The following UTP18 variants were observed in gnomAD, a reference collection of about 807,000 sequenced individuals.
The protein encoded by UTP18 is U3 small nucleolar RNA-associated protein 18 homolog.
A neutral mutation model predicts 61.1 loss-of-function variants in UTP18; 36 were observed. The observed-to-expected ratio is 0.59, with a 90% CI of 0.45 to 0.78. UTP18 has a LOEUF of 0.78. Ranked by LOEUF, UTP18 falls within the 30% of genes least tolerant of loss-of-function variation. The probability of loss-of-function intolerance (pLI) is 0.00; values close to 1 mark genes in which losing one functional copy is unlikely to be tolerated. For synonymous variants in UTP18, 282 were observed against 251.1 expected (o/e 1.12, Z -1.16); for missense variants, 753 against 693.9 (o/e 1.09, Z -0.96).
chr17:51,293,991 C>G lies in UTP18; in HGVS notation c.1592C>G (p.Pro531Arg). The change falls in exon 12 of 14, where the codon CCG becomes CGG. Residue 531 changes from proline to arginine, a missense_variant. Physicochemically the swap from Pro to Arg is moderately radical, Grantham distance 103 (BLOSUM62 -2). Coordinates refer to ENST00000225298, the MANE Select transcript of UTP18 (RefSeq NM_016001.3). ...ISHVHTMDFS[P>R]RSGYFALGNE... ...CATGTTCATACCATGGATTTTTCTC[C>G]GAGAAGTGGATACTTTGCCTTGGGG... The G allele has an allele frequency of 6.2e-7, 1 of 1,610,024 alleles. No homozygotes were observed. Among genetic ancestry groups the G allele is most frequent in the Non-Finnish European group, 8.5e-7 (1 of 1,178,128 alleles).
chr17:51,261,215 C>T (rs1003214495), intron 1 of UTP18, among the ~76,000 whole-genome samples: 1 of 152,228 alleles, frequency 6.6e-6, no homozygotes, highest in East Asian at 1.9e-4. Context: ...CGCTGCTGCT[C>T]GACTCCGCTA....
chr17:51,269,690 G>T (rs1904447587), intron 4 of UTP18, among the ~76,000 whole-genome samples: 1 of 152,152 alleles, frequency 6.6e-6, no homozygotes, highest in Non-Finnish European at 1.5e-5. Context: ...TATTAGAAAA[G>T]ACAATCTGTT....
At chr17:51,280,165 T>C in intron 8 of UTP18, 60 bp downstream of exon 8, 1 of 1,521,848 alleles carries the variant, frequency 6.6e-7, no homozygotes, top group Non-Finnish European at 9.0e-7. Flanking sequence ...AGGGATAGTC[T>C]TGCACCTTAA....
chr17:51,270,030 A>T (rs1480733609), intron 4 of UTP18, among the ~76,000 whole-genome samples: 1 of 151,932 alleles, frequency 6.6e-6, no homozygotes, highest in Non-Finnish European at 1.5e-5. Flanking sequence ...TAATTTTTGT[A>T]TTTTTAGTAG....
intron 7 of UTP18, among the ~76,000 whole-genome samples, 194 bp downstream of exon 7, chr17:51,277,498 C>T (rs979268320): frequency 6.6e-6 from 1 of 152,174 alleles, no homozygotes; most frequent in Non-Finnish European, 1.5e-5. Context: ...TTACTGAACA[C>T]TTACGGAATG....
At chr17:51,278,961 A>G (rs1023542285) in intron 7 of UTP18, among the ~76,000 whole-genome samples, 1 of 152,198 alleles carries the variant, frequency 6.6e-6, no homozygotes, top group Non-Finnish European at 1.5e-5. Context: ...AGACAGGACT[A>G]GAGTGGGATG....
intron 2 of UTP18, among the ~76,000 whole-genome samples, chr17:51,263,795 T>A (rs2055532266): frequency 1.3e-5 from 2 of 152,214 alleles, no homozygotes; most frequent in Non-Finnish European, 1.5e-5. Flanking sequence ...TTTAGCACAG[T>A]GCCTGAAACT....
At chr17:51,282,509 GAA>G (rs1258605801) in intron 9 of UTP18, among the ~76,000 whole-genome samples, 2 of 21,314 alleles carry the variant, frequency 9.4e-5, no homozygotes, top group Non-Finnish European at 1.5e-4. Context: ...AGGAAAGATG[GAA>G]GGAAGGAAGG....
At chr17:51,288,282 A>G in intron 11 of UTP18, 79 bp downstream of exon 11, 1 of 1,338,124 alleles carries the variant, frequency 7.5e-7, no homozygotes, top group Non-Finnish European at 1.0e-6. Context: ...AGGAAAGGAG[A>G]GCGTTGAATT....
Position 51,288,113 on chromosome 17 carries a change from C to T in UTP18, c.1413C>T (p.Asn471=). Residue 471 remains asparagine (N), a synonymous_variant, in exon 11 of 14, where the codon AAC becomes AAT. Coordinates refer to ENST00000225298, the MANE Select transcript of UTP18 (RefSeq NM_016001.3). ...CAAAGCCAATAAAAGCTATAATGAA[C>T]TTGGTTACAGGTGTTACTTCTCTGA... The part of the protein sequence containing the change: ...TNPKPIKAIM[N]LVTGVTSLTF... The T allele has an allele frequency of 6.2e-7, 1 of 1,610,498 alleles. No homozygotes were observed. The highest frequency in any genetic ancestry group is 8.5e-7 in the Non-Finnish European group (1 of 1,179,022).
At chr17:51,297,475 C>A (rs1328674995) in intron 13 of UTP18, among the ~76,000 whole-genome samples, 2 of 152,200 alleles carry the variant, frequency 1.3e-5, no homozygotes, top group Non-Finnish European at 2.9e-5. Context: ...ACATCCTTCC[C>A]TTCTCATGGT....
At chr17:51,274,474 C>T (rs547308017) in intron 5 of UTP18, among the ~76,000 whole-genome samples, 5 of 152,202 alleles carry the variant, frequency 3.3e-5, no homozygotes, top group Admixed American at 3.3e-4. Flanking sequence ...CAGAGTTTTG[C>T]TCTTTTGCTC....
At chr17:51,297,724 T>G in intron 13 of UTP18, 58 bp from the exon 14 acceptor site, 1 of 436,740 alleles carries the variant, frequency 2.3e-6, no homozygotes, top group South Asian at 1.7e-5. Flanking sequence ...CCAGTACGTG[T>G]CTGTTGATGA....
intron 6 of UTP18, among the ~76,000 whole-genome samples, chr17:51,276,776 G>A (rs1904735030): frequency 6.6e-6 from 1 of 152,168 alleles, no homozygotes; most frequent in Non-Finnish European, 1.5e-5. Context: ...CATGTAGTTT[G>A]GATGGGACTG....
At position 51,296,894 on chromosome 17, in the gene UTP18, T is replaced by G. The variant is rs558155544; in HGVS notation, c.1647-71T>G. ...CCACTAAAATCTTCCTAAGTGCCCT[T>G]CTGTGATCTAATTGAAAACACTGTG... On this transcript the variant is annotated intron_variant, in intron 12 of 13. Coordinates refer to ENST00000225298, the MANE Select transcript of UTP18 (RefSeq NM_016001.3). 1.0e-4 allele frequency: 153 copies of G among 1,458,580 alleles called. 1 individual carries two copies. The highest frequency in any genetic ancestry group is 3.6e-4 in the Admixed American group (18 of 49,540). The allele number at this position is 1,458,580 out of a possible 1,614,324, so 90.4% of individuals were successfully genotyped here.
At chr17:51,284,009 T>C (rs1330721482) in intron 9 of UTP18, among the ~76,000 whole-genome samples, 1 of 152,260 alleles carries the variant, frequency 6.6e-6, no homozygotes, top group Non-Finnish European at 1.5e-5. Flanking sequence ...CTTCCCATTT[T>C]AGTCTACTGA....
At chr17:51,263,838 A>G (rs977502752) in intron 2 of UTP18, among the ~76,000 whole-genome samples, 25 of 152,300 alleles carry the variant, frequency 1.6e-4, no homozygotes, top group Non-Finnish European at 1.5e-4. Context: ...AGCTCACACC[A>G]TAGGAACTGT....
chr17:51,293,057 T>C (rs1905273002), intron 11 of UTP18, among the ~76,000 whole-genome samples: 1 of 152,238 alleles, frequency 6.6e-6, no homozygotes, highest in African/African-American at 2.4e-5. Context: ...TTTATAATGT[T>C]TAATTTTTTT....
rs534621796 is a variant in UTP18, at chr17:51,271,052, A to G, written c.622+2148A>G. On this transcript the variant is annotated intron_variant, in intron 4 of 13. Coordinates refer to ENST00000225298, the MANE Select transcript of UTP18 (RefSeq NM_016001.3). ...TATAAGAAAATTCTCCCTTTTGAAC[A>G]TAACCACAGCTCCAAAAATCAACAG... 4.5e-4 allele frequency among the ~76,000 whole-genome samples: 68 copies of G among 152,302 alleles called. No homozygotes were observed. In the Middle Eastern group the frequency reaches 0.01, roughly 23 times the overall value.
Sources: gnomAD v4.1 joint callset for allele counts (sites outside exome capture counted in the v4.1 genomes callset) on GRCh38, gnomAD v4.1.1 for gene constraint, MANE v1.5 for transcripts, NCBI Gene and HGNC (gene_info 2026-07-23, HGNC 2026-07-21) for gene names.